ST6GALNAC6: variants seen among roughly 807,000 people sequenced by gnomAD.
ST6GALNAC6 encodes ST6 N-acetylgalactosaminide alpha-2,6-sialyltransferase 6.
ST6GALNAC6 carries 19 observed loss-of-function variants against 34.3 expected under a neutral mutation model. The observed-to-expected ratio is 0.55, with a 90% CI of 0.39 to 0.81. The LOEUF (loss-of-function observed/expected upper bound fraction) is 0.81. Among genes scored for constraint, ST6GALNAC6 ranks in the 40% least tolerant of loss-of-function variants. ST6GALNAC6 has a pLI of 0.00. For synonymous variants in ST6GALNAC6, 185 were observed against 182.1 expected (o/e 1.02, Z -0.13); for missense variants, 377 against 467.7 (o/e 0.81, Z 1.79).
At chr9:127,899,190 C>G (rs67212038) in intron 1 of ST6GALNAC6, 136,883 of 152,464 alleles carry the variant, frequency 0.9, 62,085 homozygotes, top group Non-Finnish European at 0.96. Context: ...CGCGCCTCGC[C>G]TCATCCCCCT....
chr9:127,901,707 G>A (rs767302968), upstream of ST6GALNAC6, among the ~76,000 whole-genome samples: 4 of 152,138 alleles, frequency 2.6e-5, no homozygotes, highest in Non-Finnish European at 5.9e-5. Context: ...CAAGGCAGGC[G>A]GATCACCTGA....
chr9:127,896,397 A>G, intron 2 of ST6GALNAC6, 65 bp from the exon 3 acceptor site: 1 of 1,391,288 alleles, frequency 7.2e-7, no homozygotes, highest in Non-Finnish European at 1.0e-6. Context: ...CAAAGGCTAC[A>G]CCTTCTCTGC....
At chr9:127,888,029 G>C (rs1343432638) in intron 5 of ST6GALNAC6, among the ~76,000 whole-genome samples, 2 of 152,312 alleles carry the variant, frequency 1.3e-5, no homozygotes, top group Non-Finnish European at 2.9e-5. Flanking sequence ...ACCAAGAGCT[G>C]TGCTCACACT....
At chr9:127,897,440 A>T in intron 2 of ST6GALNAC6, 1 of 987,102 alleles carries the variant, frequency 1.0e-6, no homozygotes, top group Non-Finnish European at 1.2e-6. Context: ...GGCTTGGCAC[A>T]CACACCTCGC....
upstream of ST6GALNAC6, among the ~76,000 whole-genome samples, chr9:127,900,991 C>CAAAAAAAAAAAAAAAAAA (rs56673204): frequency 4.1e-4 from 25 of 61,006 alleles, no homozygotes; most frequent in East Asian, 3.7e-3. Flanking sequence ...AACTCCCTAT[C>CAAAAAAAAAAAAAAAAAA]AAAAAAAAAA....
At chr9:127,892,946 C>G (rs1830235389) in intron 4 of ST6GALNAC6, among the ~76,000 whole-genome samples, 1 of 152,146 alleles carries the variant, frequency 6.6e-6, no homozygotes, top group African/African-American at 2.4e-5. Context: ...CTTCCAAATT[C>G]TGGGGGAGGC....
At chr9:127,889,601 G>A (rs766171049) in intron 5 of ST6GALNAC6, among the ~76,000 whole-genome samples, 2 of 151,434 alleles carry the variant, frequency 1.3e-5, no homozygotes, top group Admixed American at 6.6e-5. Context: ...GCACCACCAC[G>A]CCCAGCTAAT....
In ST6GALNAC6 at chr9:127,890,759, G is replaced by A. The variant is rs759654749; in HGVS notation, c.582C>T (p.Gly194=). ...CTCGCTGGATCACACGCACGAGGCT[G>A]CCCTGGGGCTTCTGCATCTTGCTCG... ...GPPSKMQKPQ[G]SLVRVIQRAG... The change falls in exon 5 of 7, where the codon GGC becomes GGT. Residue 194 remains glycine (G), a synonymous_variant. Transcript: ENST00000373146. This position sits in a 1 kb window ranked among gnomAD's most constrained non-coding sequence, Gnocchi z 4.3. The A allele has an allele frequency of 6.2e-7, 1 of 1,612,692 alleles. No homozygotes were observed. Among genetic ancestry groups the A allele is most frequent in the South Asian group, 1.1e-5 (1 of 91,060 alleles).
chr9:127,899,391 C>G, intron 1 of ST6GALNAC6, 112 bp downstream of exon 1: 3 of 593,692 alleles, frequency 5.1e-6, no homozygotes, highest in Non-Finnish European at 6.4e-6. Flanking sequence ...CCGGGGGACC[C>G]GCATCCATCC....
chr9:127,892,032 T>A (rs1830176415), intron 4 of ST6GALNAC6, among the ~76,000 whole-genome samples: 1 of 152,100 alleles, frequency 6.6e-6, no homozygotes, highest in South Asian at 2.1e-4. Flanking sequence ...ATGCCTGTAA[T>A]CCCAGTTACT....
intron 3 of ST6GALNAC6, 31 bp downstream of exon 3, chr9:127,896,211 C>A: frequency 6.2e-7 from 1 of 1,611,958 alleles, no homozygotes; most frequent in South Asian, 1.1e-5. Context: ...GTGAGAGGCT[C>A]AATGGGGTTA....
In ST6GALNAC6 at chr9:127,890,800, T is replaced by C. The variant is rs138818197; in HGVS notation, c.541A>G (p.Ile181Val). Residue 181 changes from isoleucine (I) to valine (V), a missense_variant, in exon 5 of 7, where the codon ATC becomes GTC. By Grantham distance (29) the Ile-to-Val change is conservative. Transcript: ENST00000373146. This position sits in a 1 kb window ranked among gnomAD's most constrained non-coding sequence, Gnocchi z 4.3. ...FVNRTPETVF[I>V]FWGPPSKMQK... ...ATCTTGCTCGGGGGCCCCCAGAAGA[T>C]GAACACGGTTTCAGGGGTCCGGTTG... is the stretch of plus-strand genomic sequence containing the variant. 3 of 1,613,056 alleles carry C rather than the reference T, an allele frequency of 1.9e-6. No homozygotes were observed. The highest frequency in any genetic ancestry group is 2.7e-5 in the African/African-American group (2 of 74,904).
chr9:127,900,991 CAAAAAAAAAAAAAAAAA>C (rs56673204), upstream of ST6GALNAC6, among the ~76,000 whole-genome samples: 1 of 60,986 alleles, frequency 1.6e-5, no homozygotes, highest in Non-Finnish European at 2.8e-5. Flanking sequence ...AACTCCCTAT[CAAAAAAAAAAAAAAAAA>C]AAAAAAAAAA....
At chr9:127,901,443 T>A (rs1243934121), upstream of ST6GALNAC6, among the ~76,000 whole-genome samples, 2 of 151,262 alleles carry the variant, frequency 1.3e-5, no homozygotes, top group African/African-American at 4.9e-5. Context: ...TACAAATAAA[T>A]TAGCCAGGCG....
rs756694441 is a variant in ST6GALNAC6, at chr9:127,886,612, G to A, written c.989C>T (p.Pro330Leu). The A allele has an allele frequency of 1.2e-6, 2 of 1,613,988 alleles. No homozygotes were observed. Among genetic ancestry groups the A allele is most frequent in the Non-Finnish European group, 1.7e-6 (2 of 1,179,982 alleles). ...AQLYGITFSH[P>L]SWT ...AGGCTGGGTGGCCTAGGTCCAGGAG[G>A]GGTGGGAGAAGGTGATGCCATACAG... Residue 330 changes from proline to leucine, a missense_variant, in exon 7 of 7, where the codon CCC becomes CTC. Physicochemically the swap from Pro to Leu is moderately conservative, Grantham distance 98. Transcript: ENST00000373146.
In ST6GALNAC6 at chr9:127,897,014, G is replaced by C. The variant is rs1830500496; in HGVS notation, c.27-682C>G. 3.2e-6 allele frequency: 3 copies of C among 935,314 alleles called. No individual in the cohort carries two copies. In the East Asian group the frequency reaches 3.5e-4, roughly 109 times the overall value. 57.9% of individuals were successfully genotyped at this position (935,314 alleles called of 1,614,324 possible). A position where few individuals can be genotyped will look rare whatever the true frequency, so the allele number is the denominator to read the frequency against. Reference sequence around the variant, plus strand: ...CTCAAGTCTGAGAGGCTCGGTTCTAGTCCAGGCTCGACAGTCTCTGCCAGG... The same window carrying C: ...CTCAAGTCTGAGAGGCTCGGTTCTACTCCAGGCTCGACAGTCTCTGCCAGG... On this transcript the variant is annotated intron_variant, in intron 2 of 6. Transcript: ENST00000373146.
At chr9:127,896,648 C>T (rs1256556256) in intron 2 of ST6GALNAC6, among the ~76,000 whole-genome samples, 1 of 152,206 alleles carries the variant, frequency 6.6e-6, no homozygotes, top group Non-Finnish European at 1.5e-5. Flanking sequence ...GAGCCCCATT[C>T]ACACCCTGCT....
At chr9:127,894,359 G>T (rs139295711) in intron 4 of ST6GALNAC6, among the ~76,000 whole-genome samples, 153 bp downstream of exon 4, 1 of 152,050 alleles carries the variant, frequency 6.6e-6, no homozygotes, top group African/African-American at 2.4e-5. Flanking sequence ...CAGGGGCAGC[G>T]CACTTATCCA....
chr9:127,899,728 G>T, upstream of ST6GALNAC6: 1 of 927,788 alleles, frequency 1.1e-6, no homozygotes, highest in African/African-American at 1.8e-5. Flanking sequence ...GGAAGGGAAA[G>T]GGGAGGCGGA....
Sources: gnomAD v4.1 joint callset for allele counts (sites outside exome capture counted in the v4.1 genomes callset) on GRCh38, gnomAD v4.1.1 for gene constraint, Gnocchi (gnomAD v3.1) non-coding constraint, MANE v1.5 for transcripts, NCBI Gene and HGNC (gene_info 2026-07-23, HGNC 2026-07-21) for gene names.